Variants in FBXW8 observed in about 807,000 individuals in gnomAD.
The protein encoded by FBXW8 is F-box and WD repeat domain containing 8, also known as F-box/WD repeat-containing protein 8.
Under a neutral mutation model 65.3 loss-of-function variants are expected in FBXW8, and 57 were observed. The ratio of observed to expected loss-of-function variants is 0.87; its 90% confidence interval spans 0.71 to 1.09. The LOEUF (loss-of-function observed/expected upper bound fraction) is 1.09. FBXW8 is among the 50% of genes least tolerant of loss of function. The pLI is 0.00. For synonymous variants in FBXW8, 308 were observed against 330.2 expected, an observed-to-expected ratio of 0.93 and a Z score of 0.73; for missense variants, 777 against 814.8, an observed-to-expected ratio of 0.95 and a Z score of 0.57.
At chr12:116,989,867 T>A (rs1953191651) in intron 7 of FBXW8, among the ~76,000 whole-genome samples, 1 of 152,164 alleles carries the variant, frequency 6.6e-6, no homozygotes, top group African/African-American at 2.4e-5. Flanking sequence ...TAAAATAGAG[T>A]TCATAATAGT....
At chr12:116,920,984 TA>T (rs1880854135) in intron 1 of FBXW8, among the ~76,000 whole-genome samples, 1 of 152,114 alleles carries the variant, frequency 6.6e-6, no homozygotes, top group Non-Finnish European at 1.5e-5. Context: ...CAGTTTAGAC[TA>T]AAAGGGGGCT....
chr12:117,010,425 A>T lies in FBXW8; in HGVS notation c.1342A>T (p.Met448Leu). The T allele has an allele frequency of 6.2e-7, 1 of 1,614,076 alleles. No individual in the cohort carries two copies. Among genetic ancestry groups the T allele is most frequent in the African/African-American group, 1.3e-5 (1 of 75,020 alleles). Residue 448 changes from methionine to leucine, a missense_variant, in exon 8 of 11, where the codon ATG (methionine) becomes TTG (leucine). Physicochemically the swap from Met to Leu is conservative, Grantham distance 15. Transcript: ENST00000652555. ...VNLSDSPPNL[M>L]VSGNMDGRVR... ...CCTCAGCGACAGCCCTCCCAACCTCATGGTCAGTGGCAACATGGACGGGAG... is the reference window on the plus strand; with the variant it reads ...CCTCAGCGACAGCCCTCCCAACCTCTTGGTCAGTGGCAACATGGACGGGAG...
chr12:116,944,512 C>G (rs1882803402), intron 2 of FBXW8, among the ~76,000 whole-genome samples: 1 of 152,156 alleles, frequency 6.6e-6, no homozygotes, highest in Non-Finnish European at 1.5e-5. Flanking sequence ...AGAAGTGAGA[C>G]TCAACTTTTG....
At chr12:117,022,280 T>G (rs1282470857) in intron 8 of FBXW8, among the ~76,000 whole-genome samples, 3 of 152,132 alleles carry the variant, frequency 2.0e-5, no homozygotes, top group Non-Finnish European at 2.9e-5. Context: ...CATCTAAGTT[T>G]TCAGATTTGG....
At chr12:116,939,329 A>G (rs1882398102) in intron 2 of FBXW8, among the ~76,000 whole-genome samples, 1 of 152,208 alleles carries the variant, frequency 6.6e-6, no homozygotes, top group African/African-American at 2.4e-5. Context: ...CCTGGTTTTA[A>G]GCATTTTGGA....
chr12:117,011,977 G>GTAATC (rs796893519), intron 8 of FBXW8, among the ~76,000 whole-genome samples: 40 of 152,300 alleles, frequency 2.6e-4, no homozygotes, highest in African/African-American at 7.9e-4. Flanking sequence ...GCTCTTATAA[G>GTAATC]TAATCTAGAG....
At chr12:117,020,650 T>C (rs1954071935) in intron 8 of FBXW8, among the ~76,000 whole-genome samples, 1 of 152,214 alleles carries the variant, frequency 6.6e-6, no homozygotes. Flanking sequence ...TTTCATGCTT[T>C]TGTATTGAAA....
At chr12:116,995,228 C>T (rs934645792) in intron 7 of FBXW8, among the ~76,000 whole-genome samples, 3 of 152,188 alleles carry the variant, frequency 2.0e-5, no homozygotes, top group Non-Finnish European at 4.4e-5. Flanking sequence ...GACATGCTCC[C>T]CTTCTGGGCT....
At chr12:117,027,877 T>G in intron 10 of FBXW8, 151 bp from the exon 11 acceptor site, 1 of 1,033,084 alleles carries the variant, frequency 9.7e-7, no homozygotes, top group Non-Finnish European at 1.4e-6. Context: ...CCGGGGACTG[T>G]GAGTATCTGA....
chr12:117,013,204 T>G (rs1953868137), intron 8 of FBXW8, among the ~76,000 whole-genome samples: 1 of 151,872 alleles, frequency 6.6e-6, no homozygotes, highest in Admixed American at 6.6e-5. Context: ...ATCACACCAC[T>G]GCACTCCAGC....
intron 6 of FBXW8, among the ~76,000 whole-genome samples, chr12:116,988,340 T>C (rs1269377208): frequency 6.6e-6 from 1 of 152,238 alleles, no homozygotes; most frequent in East Asian, 1.9e-4. Context: ...TCCAGAAACA[T>C]GGAACATGGT....
At chr12:117,020,440 C>CT (rs1369960725) in intron 8 of FBXW8, among the ~76,000 whole-genome samples, 1 of 152,164 alleles carries the variant, frequency 6.6e-6, no homozygotes, top group Non-Finnish European at 1.5e-5. Flanking sequence ...TGTCCGCACT[C>CT]TGTTTTTCTC....
intron 6 of FBXW8, chr12:116,985,681 GCT>G: frequency 3.1e-6 from 1 of 324,808 alleles, no homozygotes; most frequent in Admixed American, 4.5e-5. Flanking sequence ...GGCCAGAGCT[GCT>G]CATCACTGTG....
chr12:116,994,749 CTT>C (rs1285625890), intron 7 of FBXW8, among the ~76,000 whole-genome samples: 1 of 152,152 alleles, frequency 6.6e-6, no homozygotes, highest in African/African-American at 2.4e-5. Context: ...TAATATTACA[CTT>C]TGTGGATGTG....
At chr12:116,987,633 A>C (rs905123494) in intron 6 of FBXW8, among the ~76,000 whole-genome samples, 2 of 152,218 alleles carry the variant, frequency 1.3e-5, no homozygotes, top group Non-Finnish European at 2.9e-5. Context: ...ACATTTTGAC[A>C]CAAATGTTAA....
chr12:116,945,306 T>C, intron 2 of FBXW8, 58 bp from the exon 3 acceptor site: 1 of 1,554,674 alleles, frequency 6.4e-7, no homozygotes, highest in South Asian at 1.2e-5. Context: ...GATTTTTGGA[T>C]GACAAGGGGC....
At chr12:116,911,808 G>T (rs1879968444) in intron 1 of FBXW8, among the ~76,000 whole-genome samples, 1 of 152,198 alleles carries the variant, frequency 6.6e-6, no homozygotes, top group African/African-American at 2.4e-5. Flanking sequence ...TGGATAGGAA[G>T]TAATTTTACC....
rs900553882 is a variant in FBXW8 at position 116,911,272 on chromosome 12, G to T, written c.235G>T (p.Val79Leu). The change falls in exon 1 of 11, where the codon GTA becomes TTA. Residue 79 changes from valine (V) to leucine (L), a missense_variant. Physicochemically the swap from Val to Leu is conservative, Grantham distance 32. Coordinates refer to ENST00000652555, the MANE Select transcript of FBXW8 (RefSeq NM_153348.3). ...ARATRAEGQD[V>L]ASRSRSPLAR... is the part of the protein sequence containing the mutation. The stretch of plus-strand genomic sequence containing the variant: ...GGCGACTCGGGCCGAGGGGCAGGAC[G>T]TAGCGAGCCGCTCACGTTCTCCTCT... 6 of 1,256,820 alleles carry T rather than the reference G, an allele frequency of 4.8e-6. No individual in the cohort carries two copies. In the Admixed American group the frequency reaches 1.3e-4, roughly 26 times the overall value. The allele number at this position is 1,256,820 out of a possible 1,614,324, so 77.9% of individuals were successfully genotyped here.
At chr12:116,940,784 A>G (rs903898042) in intron 2 of FBXW8, among the ~76,000 whole-genome samples, 4 of 152,196 alleles carry the variant, frequency 2.6e-5, no homozygotes, top group Admixed American at 2.6e-4. Flanking sequence ...CAAGTAAAGC[A>G]GAAAACCAGT....
Sources: gnomAD v4.1 joint callset for allele counts (sites outside exome capture counted in the v4.1 genomes callset) on GRCh38, gnomAD v4.1.1 for gene constraint, MANE v1.5 for transcripts, NCBI Gene and HGNC (gene_info 2026-07-23, HGNC 2026-07-21) for gene names.